Variants in MLF1 observed in about 807,000 individuals in gnomAD.
The protein encoded by MLF1 is myelodysplasia-myeloid leukemia factor 1.
In MLF1, 37 loss-of-function variants were observed where a neutral mutation model predicts 38.3. The ratio of observed to expected loss-of-function variants is 0.96; its 90% CI spans 0.74 to 1.27. MLF1 has a LOEUF of 1.27. Among genes scored for constraint, MLF1 ranks in the 50% most tolerant of loss-of-function variants. The pLI, the probability that MLF1 is intolerant of heterozygous loss-of-function variation, is 0.00. For missense variants in MLF1, 331 were observed against 349.2 expected (o/e 0.95, Z 0.42); for synonymous variants, 95 against 106.5 (o/e 0.89, Z 0.66).
intron 1 of MLF1, among the ~76,000 whole-genome samples, chr3:158,574,978 G>A (rs1461587770): frequency 6.6e-6 from 1 of 152,090 alleles, no homozygotes; most frequent in Non-Finnish European, 1.5e-5. Flanking sequence ...AATGTGTAAT[G>A]AGTATAATAT....
intron 5 of MLF1, among the ~76,000 whole-genome samples, 162 bp from the exon 6 acceptor site, chr3:158,599,852 C>G (rs1188762993): frequency 6.6e-6 from 1 of 152,048 alleles, no homozygotes; most frequent in Admixed American, 6.6e-5. Flanking sequence ...CAGGAAATAT[C>G]AGAGACTTAT....
chr3:158,572,350 G>A (rs1392302016), intron 1 of MLF1, among the ~76,000 whole-genome samples: 2 of 143,160 alleles, frequency 1.4e-5, no homozygotes, highest in East Asian at 2.2e-4. Flanking sequence ...GGTTGAGGGC[G>A]TGAGTTGGTG....
chr3:158,603,079 T>C, intron 7 of MLF1, 140 bp downstream of exon 7: 1 of 699,790 alleles, frequency 1.4e-6, no homozygotes, highest in Non-Finnish European at 2.3e-6. Context: ...GTAATAATTT[T>C]ATATGAAAGC....
chr3:158,593,791 TAAGCACAACGTTTGGAA>T (rs58345467), intron 3 of MLF1, among the ~76,000 whole-genome samples: 26,378 of 152,066 alleles, frequency 0.17, 2,521 homozygotes, highest in African/African-American at 0.25. Flanking sequence ...TGTAGATAGA[TAAGCACAACGTTTGGAA>T]AAGCACAGAT....
intron 1 of MLF1, chr3:158,591,025 A>G (rs1434305545): frequency 2.3e-6 from 1 of 440,730 alleles, no homozygotes; most frequent in Non-Finnish European, 4.5e-6. Context: ...CTCTTTTGGA[A>G]TAGGTTTATG....
At chr3:158,603,229 T>A (rs1232458654) in intron 7 of MLF1, among the ~76,000 whole-genome samples, 1 of 152,206 alleles carries the variant, frequency 6.6e-6, no homozygotes, top group African/African-American at 2.4e-5. Flanking sequence ...TCCTGTAGTG[T>A]AGTTATTCTT....
chr3:158,596,795 G>T, intron 3 of MLF1, 67 bp from the exon 4 acceptor site: 1 of 967,698 alleles, frequency 1.0e-6, no homozygotes, highest in Non-Finnish European at 1.6e-6. Context: ...TAGCTGTTTT[G>T]GAAGATGTAT....
At position 158,600,115 on chromosome 3, in the gene MLF1, A is replaced by G; in HGVS notation, c.555A>G (p.Ser185=). 1 of 1,479,346 alleles carries G rather than the reference A, an allele frequency of 6.8e-7. No individual in the cohort carries two copies. Among genetic ancestry groups the G allele is most frequent in the Non-Finnish European group, 9.0e-7 (1 of 1,107,638 alleles). The allele number at this position is 1,479,346 out of a possible 1,614,324, so 91.6% of individuals were successfully genotyped here. Residue 185 remains serine (S), a synonymous_variant, in exon 6 of 8, where the codon TCA becomes TCG. Transcript: ENST00000466246. ...ACCGAGCTCATGTCATTAAAAAGTC[A>G]AAGAACAAGAAGACTGGAGATGAAG... is the stretch of plus-strand genomic sequence containing the variant. ...IHDRAHVIKK[S]KNKKTGDEEV...
chr3:158,579,044 A>G (rs576566504), intron 1 of MLF1, among the ~76,000 whole-genome samples: 3 of 152,294 alleles, frequency 2.0e-5, no homozygotes, highest in African/African-American at 7.2e-5. Context: ...CATACAAAGC[A>G]TATTTCTCAC....
chr3:158,593,915 C>T (rs1718523940), intron 3 of MLF1, among the ~76,000 whole-genome samples: 1 of 152,154 alleles, frequency 6.6e-6, no homozygotes, highest in Non-Finnish European at 1.5e-5. Flanking sequence ...GTTTCTACCA[C>T]CTGTTTCTTA....
chr3:158,603,671 C>T (rs555588040), intron 7 of MLF1, among the ~76,000 whole-genome samples: 1 of 152,114 alleles, frequency 6.6e-6, no homozygotes, highest in East Asian at 1.9e-4. Context: ...AACCCCGTCT[C>T]TACTAAAAAT....
intron 7 of MLF1, among the ~76,000 whole-genome samples, chr3:158,604,739 A>G (rs1056237191): frequency 6.6e-6 from 1 of 151,958 alleles, no homozygotes; most frequent in Non-Finnish European, 1.5e-5. Flanking sequence ...ACTCACTGCA[A>G]CCTCCACCTC....
chr3:158,596,746 T>G, intron 3 of MLF1, 116 bp from the exon 4 acceptor site: 1 of 588,312 alleles, frequency 1.7e-6, no homozygotes, highest in Non-Finnish European at 3.0e-6. Flanking sequence ...GGTTGATTAC[T>G]GCATGAGATT....
At chr3:158,589,257 G>T (rs899483934) in intron 1 of MLF1, among the ~76,000 whole-genome samples, 1 of 151,896 alleles carries the variant, frequency 6.6e-6, no homozygotes, top group Non-Finnish European at 1.5e-5. Flanking sequence ...TATTGCCTAG[G>T]CTGGAGTGCA....
chr3:158,604,641 GTTTTTTTT>G, intron 7 of MLF1, among the ~76,000 whole-genome samples: 1 of 151,596 alleles, frequency 6.6e-6, no homozygotes, highest in Non-Finnish European at 1.5e-5. Flanking sequence ...TTATTTTCTG[GTTTTTTTT>G]GTTTTTTATT....
In MLF1 at chr3:158,592,175, T is replaced by G. The variant is rs377192536; in HGVS notation, c.48-259T>G. 5.3e-5 allele frequency among the ~76,000 whole-genome samples: 8 copies of G among 152,298 alleles called. 1 individual carries two copies. The highest frequency in any genetic ancestry group is 3.9e-4 in the East Asian group (2 of 5,178). ...GCTGTATGGATCATTGAAGTACTGTTTCTCCTGAATGTGGAGTGCTTTCAT... is the reference window on the plus strand; with the variant it reads ...GCTGTATGGATCATTGAAGTACTGTGTCTCCTGAATGTGGAGTGCTTTCAT... On this transcript the variant is annotated intron_variant, in intron 1 of 7. Coordinates refer to ENST00000466246, the MANE Select transcript of MLF1 (RefSeq NM_001369783.1).
At chr3:158,603,770 C>T (rs1720127999) in intron 7 of MLF1, among the ~76,000 whole-genome samples, 1 of 152,062 alleles carries the variant, frequency 6.6e-6, no homozygotes, top group Non-Finnish European at 1.5e-5. Flanking sequence ...ACCTGGGAGG[C>T]AGAGGTTGTG....
At chr3:158,602,967 T>A in intron 7 of MLF1, 28 bp downstream of exon 7, 1 of 1,584,702 alleles carries the variant, frequency 6.3e-7, no homozygotes, top group South Asian at 1.2e-5. Context: ...AATAGTTTGG[T>A]TTTTTAAGAA....
At chr3:158,602,966 G>GT (rs1012762684) in intron 7 of MLF1, 27 bp downstream of exon 7, 11 of 1,584,120 alleles carry the variant, frequency 6.9e-6, no homozygotes, top group African/African-American at 4.1e-5. Context: ...AAATAGTTTG[G>GT]TTTTTTAAGA....
Sources: gnomAD v4.1 joint callset for allele counts (sites outside exome capture counted in the v4.1 genomes callset) on GRCh38, gnomAD v4.1.1 for gene constraint, MANE v1.5 for transcripts, NCBI Gene and HGNC (gene_info 2026-07-23, HGNC 2026-07-21) for gene names.